The following SUSD1 variants were observed in gnomAD, a reference collection of about 807,000 sequenced individuals.
SUSD1 encodes sushi domain containing 1, also known as sushi domain-containing protein 1.
SUSD1 carries 65 observed loss-of-function variants against 86.9 expected under a neutral mutation model. The observed-to-expected ratio is 0.75, with a 90% CI of 0.61 to 0.92. SUSD1 has a LOEUF of 0.92. SUSD1 is among the 40% of genes least tolerant of loss of function. SUSD1 has a pLI of 0.00. For synonymous variants in SUSD1, 346 were observed against 350.0 expected (o/e 0.99, Z 0.13); for missense variants, 850 against 929.7 (o/e 0.91, Z 1.11).
chr9:112,091,727 T>C (rs1830213084), intron 10 of SUSD1, among the ~76,000 whole-genome samples: 1 of 152,226 alleles, frequency 6.6e-6, no homozygotes, highest in Admixed American at 6.5e-5. Flanking sequence ...AATAGTGGTA[T>C]CATCTTAGTT....
Position 112,143,556 on chromosome 9 carries a change from G to C in SUSD1, c.441C>G (p.Ser147Arg). 1 of 1,614,078 alleles carries C rather than the reference G, an allele frequency of 6.2e-7. No individual in the cohort carries two copies. Among genetic ancestry groups the C allele is most frequent in the Non-Finnish European group, 8.5e-7 (1 of 1,180,024 alleles). The change falls in exon 4 of 17, where the codon AGC becomes AGG. Residue 147 changes from serine to arginine, a missense_variant. Ser to Arg is a moderately radical substitution (Grantham distance 110). Coordinates refer to ENST00000374270, the MANE Select transcript of SUSD1 (RefSeq NM_022486.5). ...HGGRCVNTHG[S>R]FECYCMDGYL... Reference sequence around the variant, plus strand: ...ATCCATCCATACAGTAGCATTCAAAGCTCCCATGAGTGTTCACGCATCGCC... The same window carrying C: ...ATCCATCCATACAGTAGCATTCAAACCTCCCATGAGTGTTCACGCATCGCC...
chr9:112,062,989 G>T lies in SUSD1; in HGVS notation c.1798C>A (p.Pro600Thr). The T allele has an allele frequency of 6.2e-7, 1 of 1,613,648 alleles. No homozygotes were observed. Among genetic ancestry groups the T allele is most frequent in the Non-Finnish European group, 8.5e-7 (1 of 1,179,714 alleles). ...EVEFFTVHRG[P>T]LPRLRLRKAK... ...TTCCTCAGTCTGAGGCGTGGTAGAGGTCCTCTGTGCACCGTAAAAAATTCT... is the reference window on the plus strand; with the variant it reads ...TTCCTCAGTCTGAGGCGTGGTAGAGTTCCTCTGTGCACCGTAAAAAATTCT... The change falls in exon 13 of 17, where the codon CCT (proline) becomes ACT (threonine). Residue 600 changes from proline to threonine, a missense_variant. Coordinates refer to ENST00000374270, the MANE Select transcript of SUSD1 (RefSeq NM_022486.5).
intron 6 of SUSD1, among the ~76,000 whole-genome samples, chr9:112,117,282 A>C (rs2131666385): frequency 6.6e-6 from 1 of 152,302 alleles, no homozygotes; most frequent in Non-Finnish European, 1.5e-5. Context: ...CTCTCCTCTC[A>C]CATGGCTTTT....
At chr9:112,064,046 TG>T (rs58850509) in intron 12 of SUSD1, among the ~76,000 whole-genome samples, 29,236 of 78,912 alleles carry the variant, frequency 0.37, 2,716 homozygotes, top group South Asian at 0.42. Context: ...TTTCTTTTTT[TG>T]GGGGGGGGGC....
At chr9:112,125,737 C>A (rs1831746784) in intron 5 of SUSD1, among the ~76,000 whole-genome samples, 3 of 152,180 alleles carry the variant, frequency 2.0e-5, no homozygotes, top group Admixed American at 2.0e-4. Flanking sequence ...ATCATATAAC[C>A]TGTTTCCATA....
At chr9:112,084,003 T>C (rs1210227815) in intron 10 of SUSD1, among the ~76,000 whole-genome samples, 1 of 152,188 alleles carries the variant, frequency 6.6e-6, no homozygotes, top group Non-Finnish European at 1.5e-5. Flanking sequence ...ACCACTAGTG[T>C]CCGTAACTAA....
At chr9:112,157,390 A>G (rs1031268005) in intron 2 of SUSD1, 110 bp downstream of exon 2, 3 of 718,970 alleles carry the variant, frequency 4.2e-6, no homozygotes, top group Middle Eastern at 4.8e-4. Flanking sequence ...CATAATAAAA[A>G]CATGTGAACA....
At chr9:112,117,256 C>A (rs1831365555) in intron 6 of SUSD1, among the ~76,000 whole-genome samples, 1 of 152,254 alleles carries the variant, frequency 6.6e-6, no homozygotes, top group African/African-American at 2.4e-5. Context: ...GCAGAGGGTG[C>A]AAACTCCATC....
At chr9:112,142,684 G>T (rs1419988107) in intron 4 of SUSD1, 185 bp from the exon 5 acceptor site, 2 of 576,234 alleles carry the variant, frequency 3.5e-6, no homozygotes. Flanking sequence ...CAATCTTTTG[G>T]CCTTCCATAG....
intron 10 of SUSD1, among the ~76,000 whole-genome samples, chr9:112,090,805 G>A (rs1564285870): frequency 6.6e-6 from 1 of 152,092 alleles, no homozygotes; most frequent in Non-Finnish European, 1.5e-5. Context: ...TGGCACTAAG[G>A]AATATTTTAG....
chr9:112,082,250 T>A (rs1829798360), intron 10 of SUSD1, among the ~76,000 whole-genome samples: 1 of 152,174 alleles, frequency 6.6e-6, no homozygotes, highest in African/African-American at 2.4e-5. Flanking sequence ...AACTGATCAT[T>A]TTCTATCTAT....
At chr9:112,143,033 G>A (rs1346983352) in intron 4 of SUSD1, among the ~76,000 whole-genome samples, 2 of 125,334 alleles carry the variant, frequency 1.6e-5, no homozygotes, top group African/African-American at 6.3e-5. Context: ...TGTCCAGGCT[G>A]GAGTGCAATG....
chr9:112,127,222 A>C (rs1831812333), intron 5 of SUSD1, among the ~76,000 whole-genome samples: 1 of 151,996 alleles, frequency 6.6e-6, no homozygotes, highest in Admixed American at 6.6e-5. Flanking sequence ...AAATACAAAA[A>C]TTACCCGGGC....
intron 5 of SUSD1, among the ~76,000 whole-genome samples, chr9:112,135,162 C>T (rs780233704): frequency 1.3e-5 from 2 of 152,102 alleles, no homozygotes; most frequent in African/African-American, 2.4e-5. Flanking sequence ...AGTTTATTAA[C>T]CGCTCTAATG....
At chr9:112,098,943 C>T (rs1830509776) in intron 9 of SUSD1, among the ~76,000 whole-genome samples, 1 of 152,088 alleles carries the variant, frequency 6.6e-6, no homozygotes, top group South Asian at 2.1e-4. Context: ...GATTATAACG[C>T]AAGTGAAAGA....
chr9:112,078,591 C>T lies in SUSD1; in HGVS notation c.1700G>A (p.Arg567Gln), dbSNP rs946971634. The change falls in exon 12 of 17, where the codon CGG becomes CAG. Residue 567 changes from arginine (R) to glutamine (Q), a missense_variant. By Grantham distance (43) the Arg-to-Gln change is conservative. Coordinates refer to ENST00000374270, the MANE Select transcript of SUSD1 (RefSeq NM_022486.5). ...CACAGGAAGTTCCGAAGACAGAGCCCGGAGACTGACATTGTAGTTGGTACC... is the reference window on the plus strand; with the variant it reads ...CACAGGAAGTTCCGAAGACAGAGCCTGGAGACTGACATTGTAGTTGGTACC... ...RPGTNYNVSL[R>Q]ALSSELPVVI... The T allele has an allele frequency of 5.6e-6, 9 of 1,613,882 alleles. No homozygotes were observed. The highest frequency in any genetic ancestry group is 7.6e-6 in the Non-Finnish European group (9 of 1,179,826).
At chr9:112,078,126 C>T (rs530342364) in intron 12 of SUSD1, among the ~76,000 whole-genome samples, 6 of 152,250 alleles carry the variant, frequency 3.9e-5, no homozygotes, top group South Asian at 2.1e-4. Flanking sequence ...AGGTGGATTG[C>T]TTGAGCCCAG....
chr9:112,169,183 T>C (rs908442508), intron 1 of SUSD1: 8 of 152,038 alleles, frequency 5.3e-5, no homozygotes, highest in Admixed American at 5.2e-4. Flanking sequence ...AGCACTCTAC[T>C]CTCTCCAGCA....
chr9:112,125,635 C>T (rs941119340), intron 5 of SUSD1, among the ~76,000 whole-genome samples: 2 of 152,158 alleles, frequency 1.3e-5, no homozygotes, highest in Non-Finnish European at 2.9e-5. Context: ...CTCCCCAATC[C>T]GTAGAAAGCC....
Sources: gnomAD v4.1 joint callset for allele counts (sites outside exome capture counted in the v4.1 genomes callset) on GRCh38, gnomAD v4.1.1 for gene constraint, MANE v1.5 for transcripts, NCBI Gene and HGNC (gene_info 2026-07-23, HGNC 2026-07-21) for gene names.